The following NLRP5 variants were observed in gnomAD, a reference collection of about 807,000 sequenced individuals.
NLRP5 encodes NLR family pyrin domain containing 5.
In NLRP5, 93 loss-of-function variants were observed where a neutral mutation model predicts 113.1. The ratio of observed to expected loss-of-function variants is 0.82; its 90% CI spans 0.70 to 0.98. The LOEUF (loss-of-function observed/expected upper bound fraction) is 0.98, where lower values mean the gene tolerates loss of function less well. Among genes scored for constraint, NLRP5 ranks in the 50% least tolerant of loss-of-function variants. The probability of loss-of-function intolerance (pLI) is 0.00; values close to 1 mark genes in which losing one functional copy is unlikely to be tolerated. For synonymous variants in NLRP5, 751 were observed against 600.7 expected, an observed-to-expected ratio of 1.25 and a Z score of -3.66; for missense variants, 1,808 against 1,514.3, an observed-to-expected ratio of 1.19 and a Z score of -3.22.
rs372557436 is a variant in NLRP5 at position 56,028,067 on chromosome 19, G to A, written c.1834G>A (p.Val612Ile). ...CGAGCCAGCTCTCTGCCCTCTGTAC[G>A]TTGAGAAGACAAAGAGGTCCATGGA... The change falls in exon 7 of 15, where the codon GTT (valine) becomes ATT (isoleucine). Residue 612 changes from valine (V) to isoleucine (I), a missense_variant. Physicochemically the swap from Val to Ile is conservative, Grantham distance 29. Transcript: ENST00000390649. 1.7e-5 allele frequency: 27 copies of A among 1,614,014 alleles called. No individual in the cohort carries two copies. The highest frequency in any genetic ancestry group is 1.5e-4 in the Admixed American group (9 of 60,018).
At chr19:56,036,807 A>T (rs1052856319) in intron 9 of NLRP5, among the ~76,000 whole-genome samples, 13 of 152,254 alleles carry the variant, frequency 8.5e-5, no homozygotes, top group Non-Finnish European at 1.6e-4. Context: ...AAATACAAAA[A>T]TTAGTCGGGC....
chr19:56,034,211 A>G (rs1255232624), intron 9 of NLRP5, among the ~76,000 whole-genome samples: 1 of 152,220 alleles, frequency 6.6e-6, no homozygotes, highest in Non-Finnish European at 1.5e-5. Flanking sequence ...CAACATGGTG[A>G]AACTCCATCT....
intron 10 of NLRP5, among the ~76,000 whole-genome samples, chr19:56,040,659 G>A (rs1983487768): frequency 6.6e-6 from 1 of 152,198 alleles, no homozygotes; most frequent in South Asian, 2.1e-4. Context: ...GACTGGAAAT[G>A]GCTGAGCAGT....
chr19:56,021,330 T>G (rs762811879), intron 6 of NLRP5, among the ~76,000 whole-genome samples: 2 of 152,214 alleles, frequency 1.3e-5, no homozygotes, highest in Admixed American at 6.5e-5. Flanking sequence ...TTTGTTGAGA[T>G]ATAATTAGGA....
chr19:56,044,700 T>C (rs10416123), intron 11 of NLRP5, among the ~76,000 whole-genome samples: 73,471 of 151,970 alleles, frequency 0.48, 18,035 homozygotes, highest in Non-Finnish European at 0.52. Flanking sequence ...CTGGCTCTTT[T>C]TTTGGTTCCA....
intron 2 of NLRP5, among the ~76,000 whole-genome samples, chr19:56,008,116 G>A (rs1238294837): frequency 1.3e-5 from 2 of 149,204 alleles, no homozygotes; most frequent in Non-Finnish European, 3.0e-5. Context: ...TTTTAGTAGA[G>A]ACGGGGTTTC....
At chr19:56,035,713 A>G (rs1983286045) in intron 9 of NLRP5, among the ~76,000 whole-genome samples, 1 of 152,140 alleles carries the variant, frequency 6.6e-6, no homozygotes, top group Non-Finnish European at 1.5e-5. Context: ...TCACTCCTGT[A>G]TTCCCGGAAC....
At chr19:56,031,367 G>A (rs1208630479) in intron 7 of NLRP5, among the ~76,000 whole-genome samples, 3 of 152,062 alleles carry the variant, frequency 2.0e-5, no homozygotes, top group Non-Finnish European at 2.9e-5. Context: ...GGTGGCTCAC[G>A]CCTGTCATCC....
the NLRP5 span, chr19:55,987,796 T>A: frequency 1.9e-6 from 3 of 1,594,532 alleles, no homozygotes; most frequent in Non-Finnish European, 1.7e-6. Context: ...CCAGCAGCCT[T>A]CCTTTACCTC....
upstream of NLRP5, among the ~76,000 whole-genome samples, chr19:55,998,692 A>ATATGTGTGTGTGTGTG (rs1555762413): frequency 5.8e-5 from 3 of 51,506 alleles, no homozygotes; most frequent in African/African-American, 1.3e-4. Flanking sequence ...ATATATATAT[A>ATATGTGTGTGTGTGTG]TATATATATA....
Position 56,012,179 on chromosome 19 carries a change from C to T in NLRP5, c.508+3326C>T, listed in dbSNP as rs575045259. On this transcript the variant is annotated intron_variant, in intron 3 of 14. Transcript: ENST00000390649. ...CTTTTTTCTTTCTCCCACAGAGTCT[C>T]GCTCTGTCGCCCAGGCTGGAGTGCA... 1.4e-3 allele frequency among the ~76,000 whole-genome samples: 212 copies of T among 152,172 alleles called. 1 individual carries two copies. The highest frequency in any genetic ancestry group is 2.2e-3 in the Non-Finnish European group (147 of 68,010).
intron 7 of NLRP5, among the ~76,000 whole-genome samples, chr19:56,031,649 TAG>T (rs892503158): frequency 6.0e-4 from 89 of 147,738 alleles, no homozygotes; most frequent in Middle Eastern, 3.6e-3. Flanking sequence ...AAAAAAAATG[TAG>T]ACTCATGCAG....
At chr19:56,050,320 C>T in intron 11 of NLRP5, 98 bp from the exon 12 acceptor site, 1 of 1,136,842 alleles carries the variant, frequency 8.8e-7, no homozygotes, top group Non-Finnish European at 1.3e-6. Flanking sequence ...CCACCCTACA[C>T]AGAAGCAGAC....
chr19:55,990,960 G>T, the NLRP5 span, among the ~76,000 whole-genome samples: 1 of 152,038 alleles, frequency 6.6e-6, no homozygotes, highest in Non-Finnish European at 1.5e-5. Flanking sequence ...CTCTAGCCTG[G>T]GCAACAAAAG....
intron 8 of NLRP5, 31 bp from the exon 9 acceptor site, chr19:56,033,511 T>G (rs771940909): frequency 6.4e-7 from 1 of 1,556,690 alleles, no homozygotes; most frequent in Non-Finnish European, 8.8e-7. Flanking sequence ...ACATCACCAG[T>G]GTCGAATGTG....
the NLRP5 span, chr19:55,987,942 G>C: frequency 2.0e-6 from 3 of 1,531,130 alleles, no homozygotes; most frequent in Admixed American, 3.3e-5. Context: ...TCTGGGGCTT[G>C]ATTGATCAGT....
At chr19:56,001,556 CGGG>C (rs1431436302) in intron 1 of NLRP5, among the ~76,000 whole-genome samples, 3 of 151,992 alleles carry the variant, frequency 2.0e-5, no homozygotes. Context: ...GAAGGAAAGA[CGGG>C]GGCTAAATAC....
At chr19:55,995,046 C>G (rs1981281012), upstream of NLRP5, among the ~76,000 whole-genome samples, 1 of 152,126 alleles carries the variant, frequency 6.6e-6, no homozygotes, top group South Asian at 2.1e-4. Context: ...TGGATGAGTT[C>G]ATGCTCTTTG....
intron 3 of NLRP5, among the ~76,000 whole-genome samples, chr19:56,009,867 C>A (rs1199105526): frequency 6.6e-6 from 1 of 152,090 alleles, no homozygotes; most frequent in African/African-American, 2.4e-5. Flanking sequence ...AAGCTAACAT[C>A]TGAGTAACTG....
Sources: gnomAD v4.1 joint callset for allele counts (sites outside exome capture counted in the v4.1 genomes callset) on GRCh38, gnomAD v4.1.1 for gene constraint, MANE v1.5 for transcripts, NCBI Gene and HGNC (gene_info 2026-07-23, HGNC 2026-07-21) for gene names.